COL24A1: variants seen among roughly 807,000 people sequenced by gnomAD.
COL24A1 encodes the protein collagen type XXIV alpha 1 chain.
In COL24A1, 224 loss-of-function variants were observed where a neutral mutation model predicts 253.9. The observed-to-expected ratio is 0.88, with a 90% confidence interval of 0.79 to 0.99. COL24A1 has a LOEUF of 0.99. Ranked by LOEUF, COL24A1 falls within the 50% of genes least tolerant of loss-of-function variation. The probability of loss-of-function intolerance (pLI) is 0.00; values close to 1 mark genes in which losing one functional copy is unlikely to be tolerated. For synonymous variants in COL24A1, 685 were observed against 673.7 expected (o/e 1.02, Z -0.26); for missense variants, 2,131 against 2,068.5 (o/e 1.03, Z -0.59).
At chr1:86,036,809 T>G (rs934028462) in intron 12 of COL24A1, among the ~76,000 whole-genome samples, 1 of 152,188 alleles carries the variant, frequency 6.6e-6, no homozygotes, top group African/African-American at 2.4e-5. Context: ...GAAAGAATGT[T>G]GAAGAATGAA....
At chr1:86,131,583 T>C (rs1649208968) in intron 2 of COL24A1, among the ~76,000 whole-genome samples, 1 of 145,754 alleles carries the variant, frequency 6.9e-6, no homozygotes, top group South Asian at 2.2e-4. Context: ...CATTGTTCAA[T>C]TCCCACCTAT....
rs184918073 is a variant in COL24A1 at position 85,963,859 on chromosome 1, A to T, written c.2517+1150T>A. Among the ~76,000 whole-genome samples, 175 of 152,312 alleles carry T rather than the reference A, an allele frequency of 1.1e-3. 1 individual carries two copies. The highest frequency in any genetic ancestry group is 4.0e-3 in the African/African-American group (166 of 41,580). ...GTTGGATTTCCTAGCGCTATTTGGCAGTCTAGTAAAGGAGAATTGTTAATC... is the reference window on the plus strand; with the variant it reads ...GTTGGATTTCCTAGCGCTATTTGGCTGTCTAGTAAAGGAGAATTGTTAATC... On this transcript the variant is annotated intron_variant, in intron 23 of 59. Coordinates refer to ENST00000370571, the MANE Select transcript of COL24A1 (RefSeq NM_152890.7).
chr1:85,774,820 C>T (rs968110226), intron 53 of COL24A1, among the ~76,000 whole-genome samples: 1 of 152,086 alleles, frequency 6.6e-6, no homozygotes, highest in African/African-American at 2.4e-5. Flanking sequence ...TTCAAAATAC[C>T]AGCTCCTGGA....
chr1:85,949,167 T>A (rs1398482062), intron 24 of COL24A1, among the ~76,000 whole-genome samples: 2 of 152,306 alleles, frequency 1.3e-5, no homozygotes, highest in South Asian at 2.1e-4. Flanking sequence ...GACATGATTG[T>A]CACTTTTTCA....
intron 38 of COL24A1, 89 bp downstream of exon 38, chr1:85,849,264 T>A: frequency 1.2e-6 from 1 of 828,746 alleles, no homozygotes; most frequent in Non-Finnish European, 2.0e-6. Context: ...CTTTACTATC[T>A]AGTCCAAATT....
intron 17 of COL24A1, 87 bp downstream of exon 17, chr1:86,022,451 A>G: frequency 7.5e-7 from 1 of 1,341,464 alleles, no homozygotes; most frequent in Non-Finnish European, 1.1e-6. Context: ...ACATTCTAAC[A>G]CAATACATGG....
intron 39 of COL24A1, among the ~76,000 whole-genome samples, chr1:85,846,216 T>TA (rs1489362280): frequency 1.3e-5 from 2 of 151,574 alleles, no homozygotes; most frequent in African/African-American, 4.8e-5. Flanking sequence ...ACACCTTATA[T>TA]AAAAAAATAC....
At chr1:85,849,266 G>T in intron 38 of COL24A1, 87 bp downstream of exon 38, 2 of 880,252 alleles carry the variant, frequency 2.3e-6, no homozygotes, top group Non-Finnish European at 3.6e-6. Flanking sequence ...TTACTATCTA[G>T]TCCAAATTAA....
At chr1:85,855,329 G>A (rs188211345) in intron 37 of COL24A1, among the ~76,000 whole-genome samples, 2 of 152,038 alleles carry the variant, frequency 1.3e-5, no homozygotes, top group African/African-American at 4.8e-5. Context: ...TTGCCTATTA[G>A]GTATAACATT....
intron 10 of COL24A1, 51 bp downstream of exon 10, chr1:86,057,880 T>G: frequency 6.6e-7 from 1 of 1,520,734 alleles, no homozygotes; most frequent in Non-Finnish European, 9.1e-7. Flanking sequence ...ATATATTTCA[T>G]TCTACTTTTA....
At chr1:86,133,384 C>T (rs1483402362) in intron 2 of COL24A1, among the ~76,000 whole-genome samples, 1 of 152,150 alleles carries the variant, frequency 6.6e-6, no homozygotes, top group Non-Finnish European at 1.5e-5. Flanking sequence ...ACTTCCAACA[C>T]TATGTTGAGT....
chr1:86,016,683 G>A (rs1453570110), intron 19 of COL24A1, among the ~76,000 whole-genome samples: 2 of 152,090 alleles, frequency 1.3e-5, no homozygotes, highest in Non-Finnish European at 2.9e-5. Context: ...GAAGGCCACT[G>A]TATATCAACC....
At chr1:85,900,018 C>T (rs1277246292) in intron 28 of COL24A1, among the ~76,000 whole-genome samples, 7 of 151,978 alleles carry the variant, frequency 4.6e-5, no homozygotes, top group Non-Finnish European at 7.4e-5. Context: ...AAGAGAGGAC[C>T]TGAAATTTAG....
Position 85,909,958 on chromosome 1 carries a change from CT to C in COL24A1, c.2661del (p.Gly888ValfsTer48). On this transcript the variant is annotated frameshift_variant, in exon 26 of 60. Transcript: ENST00000370571. LOFTEE classifies it high-confidence loss of function. ...SPGPLGPQGE[K>X]GVMGYPGPPG... ...AATCACTGAGCTCTTACCATAACAC[CT>C]TTTTCTCCCTGCGGACCTAGTGGGC... The C allele has an allele frequency of 1.2e-6, 2 of 1,608,068 alleles. No individual in the cohort carries two copies. Among genetic ancestry groups the C allele is most frequent in the Non-Finnish European group, 1.7e-6 (2 of 1,175,332 alleles).
chr1:86,038,158 GA>G (rs1699176726), intron 12 of COL24A1, among the ~76,000 whole-genome samples: 1 of 151,998 alleles, frequency 6.6e-6, no homozygotes, highest in Non-Finnish European at 1.5e-5. Flanking sequence ...TTTAATAATG[GA>G]AAATGCTTGT....
chr1:85,825,771 GT>G (rs1558270666), intron 43 of COL24A1, among the ~76,000 whole-genome samples: 1 of 125,066 alleles, frequency 8.0e-6, no homozygotes, highest in Non-Finnish European at 1.7e-5. Flanking sequence ...TGATGGGGTT[GT>G]TTGTTTTTTT....
chr1:86,017,211 TG>T lies in COL24A1; in HGVS notation c.2257-8del, dbSNP rs147516626. On this transcript the variant is annotated splice_region_variant and splice_polypyrimidine_tract_variant and intron_variant, in intron 18 of 59. Coordinates refer to ENST00000370571, the MANE Select transcript of COL24A1 (RefSeq NM_152890.7). Reference sequence around the variant, plus strand: ...CTGGGTCACCTGTTTGGCCCTAAAATGGGGGGGGAGGATCAAAGTATAAACA... The same window carrying T: ...CTGGGTCACCTGTTTGGCCCTAAAATGGGGGGGAGGATCAAAGTATAAACA... The T allele has an allele frequency of 2.3e-3, 3,583 of 1,542,244 alleles. 66 individuals are homozygous for T. In the African/African-American group the frequency reaches 0.043, roughly 18 times the overall value.
In COL24A1 at chr1:86,022,474, G is replaced by A. The variant is rs138117415; in HGVS notation, c.2202+64C>T. On this transcript the variant is annotated intron_variant, in intron 17 of 59. Coordinates refer to ENST00000370571, the MANE Select transcript of COL24A1 (RefSeq NM_152890.7). ...ACACAATACATGGATAAAATAATAA[G>A]CAGTTCTTTCTTTTGAATTTACACT... The A allele has an allele frequency of 2.1e-4, 304 of 1,414,010 alleles. No individual in the cohort carries two copies. In the East Asian group the frequency reaches 6.7e-3, roughly 31 times the overall value. 87.6% of individuals were successfully genotyped at this position (1,414,010 alleles called of 1,614,324 possible). A position where few individuals can be genotyped will look rare whatever the true frequency, so the allele number is the denominator to read the frequency against.
At chr1:86,060,394 T>C (rs1700997863) in intron 8 of COL24A1, among the ~76,000 whole-genome samples, 1 of 152,132 alleles carries the variant, frequency 6.6e-6, no homozygotes, top group Admixed American at 6.6e-5. Context: ...TTATAAATGA[T>C]ATAATGGAAG....
Sources: gnomAD v4.1 joint callset for allele counts (sites outside exome capture counted in the v4.1 genomes callset) on GRCh38, gnomAD v4.1.1 for gene constraint, MANE v1.5 for transcripts, NCBI Gene and HGNC (gene_info 2026-07-23, HGNC 2026-07-21) for gene names.